The following DENND2B variants were observed in gnomAD, a reference collection of about 807,000 sequenced individuals.
DENND2B encodes the protein DENN domain-containing protein 2B.
A neutral mutation model predicts 116.0 loss-of-function variants in DENND2B; 32 were observed. The ratio of observed to expected loss-of-function variants is 0.28; its 90% CI spans 0.21 to 0.37. The LOEUF is 0.37. Ranked by LOEUF, DENND2B falls within the 10% of genes least tolerant of loss-of-function variation. DENND2B has a pLI of 1.00. For missense variants in DENND2B, 1,276 were observed against 1,477.7 expected, an observed-to-expected ratio of 0.86 and a Z score of 2.24; for synonymous variants, 588 against 583.9, an observed-to-expected ratio of 1.01 and a Z score of -0.10.
At chr11:8,789,651 G>C (rs1290527313) in intron 1 of DENND2B, among the ~76,000 whole-genome samples, 2 of 152,072 alleles carry the variant, frequency 1.3e-5, no homozygotes, top group African/African-American at 2.4e-5. Context: ...GGAAGAACCT[G>C]AACAATACCC....
At chr11:8,814,573 C>A (rs183363120), upstream of DENND2B, among the ~76,000 whole-genome samples, 5 of 152,318 alleles carry the variant, frequency 3.3e-5, no homozygotes, top group East Asian at 9.7e-4. Flanking sequence ...CACCTTGACT[C>A]TCCTGTCTCT....
intron 3 of DENND2B, among the ~76,000 whole-genome samples, chr11:8,852,812 T>C (rs1051487188): frequency 2.0e-5 from 3 of 152,150 alleles, no homozygotes; most frequent in African/African-American, 7.2e-5. Context: ...CTCTGAGAAA[T>C]GAAAGCTGCA....
intron 4 of DENND2B, among the ~76,000 whole-genome samples, chr11:8,724,041 A>T (rs2046647072): frequency 6.6e-6 from 1 of 152,160 alleles, no homozygotes; most frequent in African/African-American, 2.4e-5. Context: ...CACGCCTATA[A>T]TCCCAGAACT....
intron 1 of DENND2B, among the ~76,000 whole-genome samples, chr11:8,886,752 G>A (rs56336128): frequency 0.17 from 25,339 of 151,746 alleles, 2,261 homozygotes; most frequent in East Asian, 0.31. Flanking sequence ...CTCAATACAT[G>A]TCTGTTGGAT....
intron 2 of DENND2B, chr11:8,870,698 C>T (rs2063752018): frequency 6.6e-6 from 1 of 152,180 alleles, no homozygotes; most frequent in South Asian, 2.1e-4. Context: ...GGACTCTGGC[C>T]GCGAGGTTCC....
At chr11:8,839,551 C>T (rs1051358567) in intron 3 of DENND2B, among the ~76,000 whole-genome samples, 1 of 152,190 alleles carries the variant, frequency 6.6e-6, no homozygotes, top group Admixed American at 6.5e-5. Context: ...TACCCATGCT[C>T]AGGGCAACAG....
At chr11:8,760,938 C>A (rs1038036573) in intron 1 of DENND2B, among the ~76,000 whole-genome samples, 2 of 152,132 alleles carry the variant, frequency 1.3e-5, no homozygotes, top group African/African-American at 4.8e-5. Context: ...TTTGTTGTTG[C>A]ATAATAATCA....
intron 2 of DENND2B, among the ~76,000 whole-genome samples, chr11:8,731,962 C>G (rs114520338): frequency 1.3e-5 from 2 of 152,308 alleles, no homozygotes; most frequent in African/African-American, 4.8e-5. Context: ...CTTTAACAAG[C>G]CTCTGTCTCC....
chr11:8,837,772 T>G (rs962473969), intron 4 of DENND2B, among the ~76,000 whole-genome samples: 2 of 152,086 alleles, frequency 1.3e-5, no homozygotes, highest in Non-Finnish European at 2.9e-5. Context: ...GAACCAACAA[T>G]CAATAAATGT....
chr11:8,841,391 C>A (rs1010943861), intron 3 of DENND2B, among the ~76,000 whole-genome samples: 6 of 152,156 alleles, frequency 3.9e-5, no homozygotes, highest in Non-Finnish European at 8.8e-5. Flanking sequence ...GTAATCCCAG[C>A]ACTCTGGGAG....
chr11:8,759,424 C>T (rs1324844784), intron 1 of DENND2B, among the ~76,000 whole-genome samples: 1 of 152,164 alleles, frequency 6.6e-6, no homozygotes, highest in Admixed American at 6.5e-5. Flanking sequence ...GTAAACATTG[C>T]CCAGCACTCT....
chr11:8,836,714 C>T (rs887393639), intron 4 of DENND2B, among the ~76,000 whole-genome samples: 1 of 151,522 alleles, frequency 6.6e-6, no homozygotes, highest in East Asian at 1.9e-4. Context: ...CCACCGCGCC[C>T]GGCTACTTTG....
intron 3 of DENND2B, among the ~76,000 whole-genome samples, chr11:8,842,275 C>A (rs560045560): frequency 6.6e-6 from 1 of 152,296 alleles, no homozygotes; most frequent in South Asian, 2.1e-4. Flanking sequence ...CATTGTTCCA[C>A]AAGGAATCAA....
chr11:8,736,488 CTG>C (rs1400133431), intron 2 of DENND2B, among the ~76,000 whole-genome samples: 1 of 152,178 alleles, frequency 6.6e-6, no homozygotes, highest in Non-Finnish European at 1.5e-5. Flanking sequence ...CATATCAACT[CTG>C]TGAGACGGTT....
At chr11:8,806,908 C>CTTTTTTTTTTTT (rs71059181) in intron 1 of DENND2B, among the ~76,000 whole-genome samples, 2 of 146,496 alleles carry the variant, frequency 1.4e-5, no homozygotes, top group Non-Finnish European at 1.5e-5. Flanking sequence ...GCCAGATGGT[C>CTTTTTTTTTTTT]TTTTTTTTTT....
At chr11:8,904,764 C>A (rs182903328) in intron 1 of DENND2B, among the ~76,000 whole-genome samples, 5 of 152,088 alleles carry the variant, frequency 3.3e-5, no homozygotes, top group Non-Finnish European at 7.4e-5. Context: ...TATTTCTATA[C>A]ACTAGTAATA....
At chr11:8,889,812 G>T (rs1169113762) in intron 1 of DENND2B, among the ~76,000 whole-genome samples, 2 of 152,234 alleles carry the variant, frequency 1.3e-5, no homozygotes, top group Non-Finnish European at 2.9e-5. Context: ...CTCCACCTCT[G>T]GGGGCAAGGC....
intron 1 of DENND2B, among the ~76,000 whole-genome samples, chr11:8,767,448 A>T (rs2056046790): frequency 6.6e-6 from 1 of 152,192 alleles, no homozygotes; most frequent in Non-Finnish European, 1.5e-5. Context: ...TAATTCTTAA[A>T]TTCCATTTGG....
In DENND2B at chr11:8,697,549, C is replaced by T; in HGVS notation, c.3028G>A (p.Asp1010Asn). 1.2e-6 allele frequency: 2 copies of T among 1,614,162 alleles called. No individual in the cohort carries two copies. The highest frequency in any genetic ancestry group is 1.7e-6 in the Non-Finnish European group (2 of 1,179,966). ...CCATCGTCGGAGTCGCTGTCAGAGTCCTGGGAGATCAGCTCATTCTTCCTC... is the reference window on the plus strand; with the variant it reads ...CCATCGTCGGAGTCGCTGTCAGAGTTCTGGGAGATCAGCTCATTCTTCCTC... ...LERKNELISQ[D>N]SDSDSDDECN... Residue 1010 changes from aspartate to asparagine, a missense_variant, in exon 17 of 20, where the codon GAC becomes AAC. By Grantham distance (23) the Asp-to-Asn change is conservative. This residue lies in a region of DENND2B where 420 missense variants were observed against 631.1 expected (regional missense o/e 0.67). Coordinates refer to ENST00000313726, the MANE Select transcript of DENND2B (RefSeq NM_213618.2).
Sources: allele counts gnomAD v4.1 joint callset (sites outside exome capture counted in the v4.1 genomes callset), GRCh38; gene constraint gnomAD v4.1.1; regional missense constraint gnomAD v4.1.1; transcripts MANE v1.5; gene names NCBI Gene and HGNC (gene_info 2026-07-23, HGNC 2026-07-21).